Variants in ANK3 observed in about 807,000 individuals in gnomAD.
ANK3 encodes the protein ankyrin 3.
Under a neutral mutation model 370.9 loss-of-function variants are expected in ANK3, and 57 were observed. That is an observed-to-expected ratio of 0.15 (90% CI 0.12 to 0.19). The LOEUF (loss-of-function observed/expected upper bound fraction) is 0.19, where lower values mean the gene tolerates loss of function less well. Among genes scored for constraint, ANK3 ranks in the 10% least tolerant of loss-of-function variants. The pLI, the probability that ANK3 is intolerant of heterozygous loss-of-function variation, is 1.00. For missense variants in ANK3, 4,439 were observed against 5,302.1 expected (o/e 0.84, Z 5.06); for synonymous variants, 1,929 against 1,946.3 (o/e 0.99, Z 0.23).
At chr10:60,044,291 C>T (rs2076598383) in intron 42 of ANK3, 1 of 984,706 alleles carries the variant, frequency 1.0e-6, no homozygotes. Flanking sequence ...TTGCCTTCTT[C>T]ATCAGTAAAT....
At chr10:60,190,500 T>G (rs957793531) in intron 16 of ANK3, among the ~76,000 whole-genome samples, 2 of 152,240 alleles carry the variant, frequency 1.3e-5, no homozygotes, top group African/African-American at 4.8e-5. Flanking sequence ...TCTGGTAGTG[T>G]GCTTAGCACT....
chr10:60,550,799 C>T (rs1320794788), intron 2 of ANK3, among the ~76,000 whole-genome samples: 1 of 152,016 alleles, frequency 6.6e-6, no homozygotes, highest in Non-Finnish European at 1.5e-5. Context: ...GCGAGTTTTT[C>T]ATAAACTGGG....
At chr10:60,241,825 C>T (rs372958411) in intron 7 of ANK3, among the ~76,000 whole-genome samples, 32 of 152,164 alleles carry the variant, frequency 2.1e-4, no homozygotes, top group South Asian at 1.0e-3. Context: ...CACATGTATA[C>T]GCAGATGCAT....
intron 1 of ANK3, among the ~76,000 whole-genome samples, chr10:60,301,247 T>C (rs1311893939): frequency 3.4e-5 from 5 of 146,830 alleles, no homozygotes; most frequent in African/African-American, 7.5e-5. Flanking sequence ...TATATACATA[T>C]ACACACACAC....
chr10:60,307,880 T>C (rs934553266), intron 1 of ANK3, among the ~76,000 whole-genome samples: 1 of 152,242 alleles, frequency 6.6e-6, no homozygotes, highest in Non-Finnish European at 1.5e-5. Context: ...CTGGATTCTA[T>C]ATAATTTGCT....
chr10:60,137,374 G>GGAAAA, intron 24 of ANK3: 1 of 160,676 alleles, frequency 6.2e-6, no homozygotes, highest in Non-Finnish European at 1.2e-5. Flanking sequence ...GTAATTTTAG[G>GGAAAA]AAAAAAAAAA....
intron 2 of ANK3, among the ~76,000 whole-genome samples, chr10:60,452,496 G>A (rs1180312152): frequency 2.0e-5 from 3 of 152,168 alleles, no homozygotes; most frequent in Admixed American, 6.5e-5. Flanking sequence ...GAACTAAAGA[G>A]GAACCTTAGA....
chr10:60,140,063 C>G, intron 23 of ANK3: 1 of 471,470 alleles, frequency 2.1e-6, no homozygotes, highest in Non-Finnish European at 3.7e-6. Flanking sequence ...GTAAGTGATT[C>G]ATTCCCCCAG....
At chr10:60,572,971 G>C (rs747347381) in intron 2 of ANK3, 1 of 988,478 alleles carries the variant, frequency 1.0e-6, no homozygotes, top group South Asian at 4.7e-5. Flanking sequence ...ACAAGTCTCC[G>C]AAGCCTTCCC....
Position 60,208,117 on chromosome 10 carries a change from T to C in ANK3, c.1113A>G (p.Leu371=), listed in dbSNP as rs2096793182. The C allele has an allele frequency of 6.2e-7, 1 of 1,614,110 alleles. No individual in the cohort carries two copies. The highest frequency in any genetic ancestry group is 1.3e-5 in the African/African-American group (1 of 75,034). Residue 371 remains leucine (L), a synonymous_variant, in exon 10 of 44, where the codon CTA becomes CTG. Transcript: ENST00000280772. ...AATGGCCACAGTGGGCAGCCACGTG[T>C]AGGGCAGTCAGGTAGTCATTGGTGA... ...DDVTNDYLTA[L]HVAAHCGHYK...
At chr10:60,553,460 A>C (rs2077137006) in intron 2 of ANK3, among the ~76,000 whole-genome samples, 1 of 152,180 alleles carries the variant, frequency 6.6e-6, no homozygotes, top group Non-Finnish European at 1.5e-5. Flanking sequence ...ATATATTTTT[A>C]ATAAAATAAA....
At chr10:60,059,999 A>T (rs769781546) in intron 40 of ANK3, 1 of 1,584,008 alleles carries the variant, frequency 6.3e-7, no homozygotes, top group Non-Finnish European at 8.6e-7. Context: ...CTTGAAGGGA[A>T]GGATAACCTA....
intron 1 of ANK3, among the ~76,000 whole-genome samples, chr10:60,384,970 G>A (rs768574114): frequency 6.6e-6 from 1 of 152,000 alleles, no homozygotes; most frequent in Non-Finnish European, 1.5e-5. Context: ...TCAGCATTTC[G>A]TGCCTGGATC....
At chr10:60,406,774 T>C (rs2063465142) in intron 2 of ANK3, among the ~76,000 whole-genome samples, 1 of 152,228 alleles carries the variant, frequency 6.6e-6, no homozygotes, top group Non-Finnish European at 1.5e-5. Context: ...GACAAATAAA[T>C]TAGCTAACTC....
intron 1 of ANK3, among the ~76,000 whole-genome samples, chr10:60,725,327 C>A (rs1415457635): frequency 6.6e-6 from 1 of 151,800 alleles, no homozygotes; most frequent in East Asian, 1.9e-4. Flanking sequence ...CCATTCCCCT[C>A]CACCACTAAT....
chr10:60,217,505 G>A (rs978280107), intron 8 of ANK3, among the ~76,000 whole-genome samples: 1 of 151,986 alleles, frequency 6.6e-6, no homozygotes, highest in Non-Finnish European at 1.5e-5. Flanking sequence ...CTGCCTTAAT[G>A]TCATAATGTT....
Position 60,072,490 on chromosome 10 carries a change from G to T in ANK3, c.8391C>A (p.Asn2797Lys). 1 of 1,613,906 alleles carries T rather than the reference G, an allele frequency of 6.2e-7. No individual in the cohort carries two copies. Among genetic ancestry groups the T allele is most frequent in the Non-Finnish European group, 8.5e-7 (1 of 1,179,986 alleles). The change falls in exon 37 of 44, where the codon AAC (asparagine) becomes AAA (lysine). Residue 2797 changes from asparagine (N) to lysine (K), a missense_variant. Physicochemically the swap from Asn to Lys is moderately conservative, Grantham distance 94. This residue lies in a region of ANK3 where 1,601 missense variants were observed against 1,731.7 expected (regional missense o/e 0.92). Transcript: ENST00000280772. ...LKTKDEHAQS[N>K]EIVVNDSGSD... ...AGCCAGAATCATTTACAACAATTTCGTTGCTTTGGGCATGCTCATCTTTGG... is the reference window on the plus strand; with the variant it reads ...AGCCAGAATCATTTACAACAATTTCTTTGCTTTGGGCATGCTCATCTTTGG...
Position 60,146,090 on chromosome 10 carries a change from A to G in ANK3, c.2615-7003T>C. ...AATATAGGGACCACAGATCAGTCAT[A>G]TAAGCTCTATGTTCCATCCACCAGA... On this transcript the variant is annotated intron_variant, in intron 23 of 43. Coordinates refer to ENST00000280772, the MANE Select transcript of ANK3 (RefSeq NM_020987.5). The G allele has an allele frequency of 3.9e-6, 6 of 1,522,384 alleles. No individual in the cohort carries two copies. The South Asian group carries it at 7.3e-5, about 19-fold the overall frequency. The allele number at this position is 1,522,384 out of a possible 1,614,324, so 94.3% of individuals were successfully genotyped here. A position where few individuals can be genotyped will look rare whatever the true frequency, so the allele number is the denominator to read the frequency against.
At chr10:60,319,256 G>A (rs1283922385) in intron 1 of ANK3, among the ~76,000 whole-genome samples, 1 of 152,100 alleles carries the variant, frequency 6.6e-6, no homozygotes, top group Non-Finnish European at 1.5e-5. Flanking sequence ...ATCATCACTA[G>A]TACCTGAGAT....
Sources: gnomAD v4.1 joint callset for allele counts (sites outside exome capture counted in the v4.1 genomes callset) on GRCh38, gnomAD v4.1.1 for gene constraint, gnomAD v4.1.1 regional missense constraint, MANE v1.5 for transcripts, NCBI Gene and HGNC (gene_info 2026-07-23, HGNC 2026-07-21) for gene names.